Variants in ST7 observed in about 807,000 individuals in gnomAD.
The protein encoded by ST7 is suppressor of tumorigenicity 7 protein.
In ST7, 28 loss-of-function variants were observed where a neutral mutation model predicts 78.7. That is an observed-to-expected ratio of 0.36 (90% CI 0.26 to 0.49). The LOEUF is 0.49. Ranked by LOEUF, ST7 falls within the 20% of genes least tolerant of loss-of-function variation. ST7 has a pLI of 0.99. For missense variants in ST7, 418 were observed against 696.0 expected, an observed-to-expected ratio of 0.60 and a Z score of 4.49; for synonymous variants, 247 against 249.6, an observed-to-expected ratio of 0.99 and a Z score of 0.10.
At chr7:117,135,940 C>G in intron 7 of ST7, 141 bp from the exon 8 acceptor site, 1 of 794,578 alleles carries the variant, frequency 1.3e-6, no homozygotes, top group Non-Finnish European at 2.0e-6. Flanking sequence ...TTTGTGTCAG[C>G]AACTACAAAC....
chr7:117,084,631 A>C (rs1800005436), intron 1 of ST7, among the ~76,000 whole-genome samples: 2 of 152,204 alleles, frequency 1.3e-5, no homozygotes, highest in South Asian at 4.1e-4. Context: ...AGACAGGATA[A>C]TAACACAAAG....
At chr7:116,979,712 A>T (rs542692878) in intron 1 of ST7, among the ~76,000 whole-genome samples, 1 of 152,088 alleles carries the variant, frequency 6.6e-6, no homozygotes, top group African/African-American at 2.4e-5. Context: ...AATCTCTCCT[A>T]ATCTATCCTA....
At chr7:116,988,662 A>G (rs1160627942) in intron 1 of ST7, among the ~76,000 whole-genome samples, 1 of 152,222 alleles carries the variant, frequency 6.6e-6, no homozygotes, top group Non-Finnish European at 1.5e-5. Context: ...AATTGAAGGT[A>G]GTGATTAAAA....
At chr7:117,175,566 G>C (rs1277928440) in intron 10 of ST7, among the ~76,000 whole-genome samples, 1 of 152,124 alleles carries the variant, frequency 6.6e-6, no homozygotes, top group African/African-American at 2.4e-5. Flanking sequence ...GGAAGAGGTG[G>C]ATCAGGTCCC....
intron 13 of ST7, among the ~76,000 whole-genome samples, chr7:117,216,053 T>C (rs555876408): frequency 1.3e-5 from 2 of 152,064 alleles, no homozygotes; most frequent in Non-Finnish European, 2.9e-5. Context: ...TATCCATCCT[T>C]TTGTCATTTC....
At chr7:117,080,881 A>G (rs551577229) in intron 1 of ST7, 2 of 152,324 alleles carry the variant, frequency 1.3e-5, no homozygotes, top group South Asian at 4.2e-4. Flanking sequence ...TATGCCATTG[A>G]GTTTTCTATC....
At chr7:117,030,891 G>A (rs768227682) in intron 1 of ST7, among the ~76,000 whole-genome samples, 1 of 152,122 alleles carries the variant, frequency 6.6e-6, no homozygotes, top group African/African-American at 2.4e-5. Flanking sequence ...GCATGCATAT[G>A]TTCACTGCAG....
intron 1 of ST7, among the ~76,000 whole-genome samples, chr7:117,084,812 A>G (rs555915779): frequency 5.8e-4 from 89 of 152,352 alleles, no homozygotes; most frequent in African/African-American, 2.1e-3. Flanking sequence ...TTGTGATTAT[A>G]TAAAAGTTTT....
chr7:117,181,963 A>G (rs1156933713), intron 10 of ST7, among the ~76,000 whole-genome samples: 1 of 152,192 alleles, frequency 6.6e-6, no homozygotes, highest in Non-Finnish European at 1.5e-5. Flanking sequence ...TTCAGGTACC[A>G]TGGAGGAATA....
chr7:117,126,984 G>A (rs1803905363), intron 3 of ST7, among the ~76,000 whole-genome samples: 1 of 151,842 alleles, frequency 6.6e-6, no homozygotes, highest in Non-Finnish European at 1.5e-5. Flanking sequence ...AGTAGAGACT[G>A]CACTGTGAAT....
intron 1 of ST7, among the ~76,000 whole-genome samples, chr7:117,049,847 A>C (rs1241534686): frequency 6.6e-6 from 1 of 152,058 alleles, no homozygotes; most frequent in Non-Finnish European, 1.5e-5. Context: ...ATCACTAGTG[A>C]CACTTCATAT....
At chr7:117,173,043 C>T (rs552156787) in intron 10 of ST7, among the ~76,000 whole-genome samples, 2 of 152,290 alleles carry the variant, frequency 1.3e-5, no homozygotes, top group South Asian at 4.1e-4. Flanking sequence ...AACATATGTT[C>T]ACATTATTTG....
chr7:117,209,132 T>C (rs769087501), intron 12 of ST7, among the ~76,000 whole-genome samples: 2 of 152,206 alleles, frequency 1.3e-5, no homozygotes, highest in Non-Finnish European at 2.9e-5. Context: ...CTACCCACTT[T>C]GTAGAAGATA....
At position 117,219,635 on chromosome 7, in the gene ST7, G is replaced by T. The variant is rs1290650682; in HGVS notation, c.1498+459G>T. Among the ~76,000 whole-genome samples, 1 of 152,236 alleles carries T rather than the reference G, an allele frequency of 6.6e-6. No homozygotes were observed. The highest frequency in any genetic ancestry group is 1.5e-5 in the Non-Finnish European group (1 of 68,048). The stretch of plus-strand genomic sequence containing the variant: ...GAAGCTGGCACCATGGCCAGATGTG[G>T]AGTTGTGGGGCAGGGCAGTGTGCTG... On this transcript the variant is annotated intron_variant, in intron 14 of 15. Coordinates refer to ENST00000323984, the MANE Select transcript of ST7 (RefSeq NM_001369598.1). This position sits in a 1 kb window ranked among gnomAD's most constrained non-coding sequence, Gnocchi z 5.1.
chr7:116,994,893 A>G (rs1794581850), intron 1 of ST7, among the ~76,000 whole-genome samples: 1 of 152,218 alleles, frequency 6.6e-6, no homozygotes, highest in African/African-American at 2.4e-5. Flanking sequence ...TCGCTCTTTC[A>G]TACTTACTTT....
chr7:116,996,922 A>C (rs890975094), intron 1 of ST7, among the ~76,000 whole-genome samples: 1 of 152,222 alleles, frequency 6.6e-6, no homozygotes, highest in East Asian at 1.9e-4. Context: ...CCCATACCCT[A>C]TGACCTTCTA....
intron 9 of ST7, among the ~76,000 whole-genome samples, chr7:117,160,538 T>G (rs1807055099): frequency 6.8e-6 from 1 of 147,058 alleles, no homozygotes. Context: ...TGACAATCCC[T>G]TTCATCTCTC....
chr7:117,096,855 G>GCTTCTCTGTTTTCTCTGT (rs1468205958), intron 1 of ST7, among the ~76,000 whole-genome samples: 5 of 152,186 alleles, frequency 3.3e-5, no homozygotes, highest in Non-Finnish European at 5.9e-5. Context: ...CTCTCTAGGT[G>GCTTCTCTGTTTTCTCTGT]TTTCTGTTTC....
intron 9 of ST7, among the ~76,000 whole-genome samples, chr7:117,152,764 A>G (rs1806392664): frequency 6.6e-6 from 1 of 152,150 alleles, no homozygotes; most frequent in Non-Finnish European, 1.5e-5. Context: ...AAATAACTCC[A>G]TCTGGTGTTC....
Sources: allele counts gnomAD v4.1 joint callset (sites outside exome capture counted in the v4.1 genomes callset), GRCh38; gene constraint gnomAD v4.1.1; non-coding constraint Gnocchi (gnomAD v3.1); transcripts MANE v1.5; gene names NCBI Gene and HGNC (gene_info 2026-07-23, HGNC 2026-07-21).